The following ZNF616 variants were observed in gnomAD, a reference collection of about 807,000 sequenced individuals.
ZNF616 encodes zinc finger protein 616.
A neutral mutation model predicts 7.6 loss-of-function variants in ZNF616; 5 were observed. That is an observed-to-expected ratio of 0.66 (90% CI 0.34 to 1.38). ZNF616 has a LOEUF of 1.38. ZNF616 is among the 40% of genes most tolerant of loss of function. The probability of loss-of-function intolerance (pLI) is 0.04; values close to 1 mark genes in which losing one functional copy is unlikely to be tolerated. For synonymous variants in ZNF616, 319 were observed against 317.2 expected, an observed-to-expected ratio of 1.01 and a Z score of -0.06; for missense variants, 913 against 948.3, an observed-to-expected ratio of 0.96 and a Z score of 0.49.
In ZNF616 at chr19:52,114,323, AACTTAGGTATATTT is replaced by A. The variant is rs899101575; in HGVS notation, c.*481_*494del. The A allele has an allele frequency of 2.0e-5, 3 of 153,414 alleles. No individual in the cohort carries two copies. The highest frequency in any genetic ancestry group is 4.3e-5 in the Non-Finnish European group (3 of 69,036). The allele number at this position is 153,414 out of a possible 1,614,324, so 9.5% of individuals were successfully genotyped here. The stretch of plus-strand genomic sequence containing the variant: ...TAGTGAGTAGTGAATACTAGCTTAA[AACTTAGGTATATTT>A]ACTGCATGTGTAAATGTATTAGGTC... On this transcript the variant is annotated 3_prime_UTR_variant, in exon 4 of 4. Transcript: ENST00000600228.
chr19:52,134,595 A>G (rs1333026704), intron 1 of ZNF616, among the ~76,000 whole-genome samples: 5 of 152,352 alleles, frequency 3.3e-5, no homozygotes, highest in Admixed American at 3.3e-4. Context: ...AACTCCAGGT[A>G]GACAGTGCCA....
chr19:52,137,186 A>C (rs2089018471), intron 1 of ZNF616, among the ~76,000 whole-genome samples: 4 of 151,688 alleles, frequency 2.6e-5, no homozygotes. Context: ...TGGGAGGCCG[A>C]GGCGGGTGGA....
chr19:52,128,730 A>C (rs2088931322), intron 2 of ZNF616, among the ~76,000 whole-genome samples: 1 of 151,238 alleles, frequency 6.6e-6, no homozygotes, highest in African/African-American at 2.4e-5. Flanking sequence ...CAACAAGACG[A>C]AACTCCGTCT....
At chr19:52,127,211 T>C (rs1209393538) in intron 2 of ZNF616, among the ~76,000 whole-genome samples, 2 of 152,160 alleles carry the variant, frequency 1.3e-5, no homozygotes, top group East Asian at 3.9e-4. Context: ...TGCACCATCA[T>C]GTCCGGCTAA....
At chr19:52,137,069 A>C (rs538797417) in intron 1 of ZNF616, among the ~76,000 whole-genome samples, 18 of 150,218 alleles carry the variant, frequency 1.2e-4, no homozygotes, top group African/African-American at 4.4e-4. Context: ...ATATATATAT[A>C]TATATACAGA....
Position 52,116,268 on chromosome 19 carries a change from C to A in ZNF616, c.896G>T (p.Cys299Phe). Residue 299 changes from cysteine (C) to phenylalanine (F), a missense_variant, in exon 4 of 4, where the codon TGT (cysteine) becomes TTT (phenylalanine). Transcript: ENST00000600228. ...RIHTGEKPYK[C>F]NLCGKSFSQR... ...ACTAAAGGATTTCCCACACAGATTA[C>A]ATTTGTAAGGTTTTTCACCGGTATG... is the stretch of plus-strand genomic sequence containing the variant. 3.1e-6 allele frequency: 5 copies of A among 1,614,150 alleles called. No individual in the cohort carries two copies. Among genetic ancestry groups the A allele is most frequent in the Non-Finnish European group, 4.2e-6 (5 of 1,180,016 alleles).
At position 52,126,962 on chromosome 19, in the gene ZNF616, A is replaced by G. The variant is rs993481268; in HGVS notation, c.13-2913T>C. On this transcript the variant is annotated intron_variant, in intron 2 of 3. Coordinates refer to ENST00000600228, the MANE Select transcript of ZNF616 (RefSeq NM_178523.5). ...AGACATAATAAAGATATTATCAAAG[A>G]CTGACAAACTCGATTCTTTTTGGAA... Among the ~76,000 whole-genome samples, 16 of 152,300 alleles carry G rather than the reference A, an allele frequency of 1.1e-4. No homozygotes were observed. In the East Asian group the frequency reaches 2.9e-3, roughly 28 times the overall value.
intron 3 of ZNF616, among the ~76,000 whole-genome samples, chr19:52,120,969 G>A (rs890566534): frequency 1.3e-5 from 2 of 152,258 alleles, no homozygotes; most frequent in East Asian, 1.9e-4. Context: ...TATGCACAAC[G>A]CATCTCCCAA....
At chr19:52,137,763 A>C (rs1471111515) in intron 1 of ZNF616, among the ~76,000 whole-genome samples, 2 of 152,142 alleles carry the variant, frequency 1.3e-5, no homozygotes, top group Non-Finnish European at 2.9e-5. Context: ...AAATCTAATA[A>C]ATTATGGGGT....
chr19:52,132,828 T>C (rs370995472), intron 1 of ZNF616, among the ~76,000 whole-genome samples: 2 of 152,164 alleles, frequency 1.3e-5, no homozygotes, highest in African/African-American at 2.4e-5. Context: ...AATGGACTAA[T>C]ACAGTGGGGT....
At chr19:52,133,667 C>T (rs2088981827) in intron 1 of ZNF616, among the ~76,000 whole-genome samples, 1 of 152,064 alleles carries the variant, frequency 6.6e-6, no homozygotes, top group Non-Finnish European at 1.5e-5. Flanking sequence ...GCATGTGCCA[C>T]CACACCTGGC....
chr19:52,134,455 C>T (rs965769440), intron 1 of ZNF616, among the ~76,000 whole-genome samples: 1 of 152,138 alleles, frequency 6.6e-6, no homozygotes, highest in Non-Finnish European at 1.5e-5. Flanking sequence ...AGTAGGAATG[C>T]CAATTTGGAG....
Position 52,115,910 on chromosome 19 carries a change from G to C in ZNF616, c.1254C>G (p.Phe418Leu), listed in dbSNP as rs1404426536. The C allele has an allele frequency of 6.2e-7, 1 of 1,614,118 alleles. No individual in the cohort carries two copies. The highest frequency in any genetic ancestry group is 8.5e-7 in the Non-Finnish European group (1 of 1,180,024). ...PCKCNECGKV[F>L]SKRSSLAVHQ... is the part of the protein sequence containing the mutation. ...GCACTGCAAGACTTGAACGTTTACTGAAGACCTTGCCACATTCATTGCATT... is the reference window on the plus strand; with the variant it reads ...GCACTGCAAGACTTGAACGTTTACTCAAGACCTTGCCACATTCATTGCATT... The change falls in exon 4 of 4, where the codon TTC (phenylalanine) becomes TTG (leucine). Residue 418 changes from phenylalanine (F) to leucine (L), a missense_variant. Phe to Leu is a conservative substitution (Grantham distance 22). Transcript: ENST00000600228.
intron 1 of ZNF616, among the ~76,000 whole-genome samples, chr19:52,137,115 T>C (rs1322665823): frequency 6.7e-6 from 1 of 150,336 alleles, no homozygotes; most frequent in African/African-American, 2.4e-5. Flanking sequence ...GGAATATTAT[T>C]CAACCATAAA....
At position 52,115,184 on chromosome 19, in the gene ZNF616, A is replaced by G; in HGVS notation, c.1980T>C (p.Pro660=). ...TTTTGCCACACTCATTACATTTGTA[A>G]GGTCTGTCTCCAGTATGAACAGTCT... The part of the protein sequence containing the change: ...LHQTVHTGDR[P]YKCNECGKTF... Residue 660 remains proline, a synonymous_variant, in exon 4 of 4, where the codon CCT becomes CCC. Coordinates refer to ENST00000600228, the MANE Select transcript of ZNF616 (RefSeq NM_178523.5). 5 of 1,614,158 alleles carry G rather than the reference A, an allele frequency of 3.1e-6. No homozygotes were observed. Among genetic ancestry groups the G allele is most frequent in the Non-Finnish European group, 4.2e-6 (5 of 1,180,020 alleles).
chr19:52,115,930 T>G lies in ZNF616; in HGVS notation c.1234A>C (p.Asn412His). The G allele has an allele frequency of 1.9e-6, 3 of 1,614,210 alleles. No homozygotes were observed. Among genetic ancestry groups the G allele is most frequent in the Non-Finnish European group, 2.5e-6 (3 of 1,180,032 alleles). ...IHTVEKPCKCNECGKVFSKRS... is the reference protein window; with the variant it reads ...IHTVEKPCKCHECGKVFSKRS... ...TTACTGAAGACCTTGCCACATTCAT[T>G]GCATTTGCAAGGTTTCTCTACAGTG... is the stretch of plus-strand genomic sequence containing the variant. The change falls in exon 4 of 4, where the codon AAT (asparagine) becomes CAT (histidine). Residue 412 changes from asparagine to histidine, a missense_variant. Coordinates refer to ENST00000600228, the MANE Select transcript of ZNF616 (RefSeq NM_178523.5).
intron 2 of ZNF616, 129 bp from the exon 3 acceptor site, chr19:52,124,178 G>GTTA: frequency 8.4e-7 from 1 of 1,188,458 alleles, no homozygotes; most frequent in Non-Finnish European, 1.2e-6. Context: ...CTGTGAGAAA[G>GTTA]TTATTGGTCC....
intron 3 of ZNF616, 105 bp from the exon 4 acceptor site, chr19:52,117,129 A>G (rs1186965700): frequency 2.5e-5 from 25 of 990,718 alleles, no homozygotes; most frequent in Non-Finnish European, 4.3e-6. Context: ...TTTATACTAG[A>G]CAGGTGTGAG....
In ZNF616 at chr19:52,115,260, C is replaced by A; in HGVS notation, c.1904G>T (p.Cys635Phe). 1 of 1,614,126 alleles carries A rather than the reference C, an allele frequency of 6.2e-7. No individual in the cohort carries two copies. The highest frequency in any genetic ancestry group is 8.5e-7 in the Non-Finnish European group (1 of 1,180,014). ...RIHTGEKPYKCNQCGNSFSQR... is the reference protein window; with the variant it reads ...RIHTGEKPYKFNQCGNSFSQR... ...ACTAAAGGAATTCCCACACTGATTGCATTTGTAAGGTTTCTCTCCGGTATG... is the reference window on the plus strand; with the variant it reads ...ACTAAAGGAATTCCCACACTGATTGAATTTGTAAGGTTTCTCTCCGGTATG... Residue 635 changes from cysteine (C) to phenylalanine (F), a missense_variant, in exon 4 of 4, where the codon TGC (cysteine) becomes TTC (phenylalanine). By Grantham distance (205) the Cys-to-Phe change is radical. Transcript: ENST00000600228.
Sources: allele counts gnomAD v4.1 joint callset (sites outside exome capture counted in the v4.1 genomes callset), GRCh38; gene constraint gnomAD v4.1.1; transcripts MANE v1.5; gene names NCBI Gene and HGNC (gene_info 2026-07-23, HGNC 2026-07-21).